PRELID2: variants seen among roughly 807,000 people sequenced by gnomAD.
The protein encoded by PRELID2 is PRELI domain containing 2.
Under a neutral mutation model 28.4 loss-of-function variants are expected in PRELID2, and 25 were observed. The ratio of observed to expected loss-of-function variants is 0.88; its 90% confidence interval spans 0.64 to 1.23. The LOEUF is 1.23. Ranked by LOEUF, PRELID2 falls within the 50% of genes most tolerant of loss-of-function variation. The pLI, the probability that PRELID2 is intolerant of heterozygous loss-of-function variation, is 0.00. For missense variants in PRELID2, 201 were observed against 214.4 expected (o/e 0.94, Z 0.39); for synonymous variants, 76 against 71.6 (o/e 1.06, Z -0.31).
the PRELID2 span, among the ~76,000 whole-genome samples, chr5:145,280,001 C>T: frequency 2.0e-5 from 3 of 152,208 alleles, no homozygotes; most frequent in Non-Finnish European, 2.9e-5. Flanking sequence ...GCTTATCTTA[C>T]ATCAACACAC....
At chr5:145,585,812 G>T (rs1253958292) in intron 1 of PRELID2, among the ~76,000 whole-genome samples, 1 of 152,042 alleles carries the variant, frequency 6.6e-6, no homozygotes, top group East Asian at 1.9e-4. Context: ...AGAATGGGGT[G>T]GGGTGTCAGC....
intron 1 of PRELID2, among the ~76,000 whole-genome samples, chr5:145,566,865 G>GT (rs1752971793): frequency 6.7e-6 from 1 of 150,220 alleles, no homozygotes; most frequent in Non-Finnish European, 1.5e-5. Flanking sequence ...AAAAGAGAGA[G>GT]CAAGAGAAAG....
intron 5 of PRELID2, among the ~76,000 whole-genome samples, chr5:145,769,563 AG>A (rs1757977951): frequency 6.6e-6 from 1 of 152,224 alleles, no homozygotes; most frequent in Non-Finnish European, 1.5e-5. Flanking sequence ...CTTGGAAGAG[AG>A]TAATATTAGA....
chr5:145,450,416 G>A, the PRELID2 span, among the ~76,000 whole-genome samples: 10 of 152,178 alleles, frequency 6.6e-5, no homozygotes, highest in South Asian at 4.2e-4. Flanking sequence ...CTGCTAAGCC[G>A]GCAATTTTCA....
chr5:145,467,982 A>T (rs1305061533), downstream of PRELID2, among the ~76,000 whole-genome samples: 1 of 151,940 alleles, frequency 6.6e-6, no homozygotes. Context: ...TTTGTTATAT[A>T]TGTATACATG....
At chr5:145,466,010 T>C in the PRELID2 span, among the ~76,000 whole-genome samples, 1 of 152,130 alleles carries the variant, frequency 6.6e-6, no homozygotes, top group African/African-American at 2.4e-5. Flanking sequence ...TTTGGAAATT[T>C]TCCCTGAGCT....
chr5:145,477,744 A>C (rs1248750643), intron 1 of PRELID2, among the ~76,000 whole-genome samples: 2 of 152,214 alleles, frequency 1.3e-5, no homozygotes, highest in Non-Finnish European at 2.9e-5. Context: ...GCTTTAAATA[A>C]AATTTTATGT....
the PRELID2 span, among the ~76,000 whole-genome samples, chr5:145,390,070 A>G: frequency 1.3e-5 from 2 of 152,222 alleles, no homozygotes; most frequent in African/African-American, 2.4e-5. Context: ...TGCATAAAAA[A>G]TTATCTGCAA....
the PRELID2 span, among the ~76,000 whole-genome samples, chr5:145,386,954 C>G: frequency 6.6e-6 from 1 of 152,142 alleles, no homozygotes; most frequent in South Asian, 2.1e-4. Context: ...TTACTGAACT[C>G]AACAAGCCAC....
At chr5:145,688,342 C>A (rs1755078235) in intron 1 of PRELID2, among the ~76,000 whole-genome samples, 1 of 152,180 alleles carries the variant, frequency 6.6e-6, no homozygotes, top group Non-Finnish European at 1.5e-5. Context: ...GCGTGACTTG[C>A]ATCAGCAGTA....
chr5:145,710,236 A>G (rs1389049194), intron 1 of PRELID2, among the ~76,000 whole-genome samples: 3 of 152,276 alleles, frequency 2.0e-5, no homozygotes, highest in East Asian at 1.9e-4. Flanking sequence ...TATATATATG[A>G]TAAGTATAAA....
chr5:145,791,499 C>G (rs1230965067), intron 5 of PRELID2, among the ~76,000 whole-genome samples: 1 of 152,156 alleles, frequency 6.6e-6, no homozygotes, highest in Non-Finnish European at 1.5e-5. Flanking sequence ...TATGAGTCCA[C>G]TTATATGACA....
chr5:145,511,700 AT>A (rs763876193), intron 1 of PRELID2, among the ~76,000 whole-genome samples: 3 of 152,232 alleles, frequency 2.0e-5, no homozygotes, highest in African/African-American at 4.8e-5. Context: ...GCTGAAACAT[AT>A]CAAGGGACAA....
rs911516626 is a variant in PRELID2, at chr5:145,486,469, T to C, written n.71-13154A>G. On this transcript the variant is annotated intron_variant and non_coding_transcript_variant, in intron 1 of 2. Coordinates refer to the PRELID2 transcript ENST00000510259. ...TGTAAAATAAAATTCATGCAATGAG[T>C]CCAGTGCTCTTAAACTCTTCCTGCC... Among the ~76,000 whole-genome samples, 6 of 152,084 alleles carry C rather than the reference T, an allele frequency of 3.9e-5. No individual in the cohort carries two copies. In the East Asian group the frequency reaches 9.7e-4, roughly 24 times the overall value.
chr5:145,250,339 T>C, the PRELID2 span, among the ~76,000 whole-genome samples: 2 of 152,114 alleles, frequency 1.3e-5, no homozygotes, highest in Middle Eastern at 3.2e-3. Flanking sequence ...TTAAACATAT[T>C]TGTAAGAAGC....
At position 145,823,122 on chromosome 5, in the gene PRELID2, T is replaced by C; in HGVS notation, c.88A>G (p.Met30Val). 1.3e-6 allele frequency: 2 copies of C among 1,520,032 alleles called. No individual in the cohort carries two copies. Among genetic ancestry groups the C allele is most frequent in the Middle Eastern group, 1.7e-4 (1 of 5,844 alleles). 94.2% of individuals were successfully genotyped at this position (1,520,032 alleles called of 1,614,324 possible). A position where few individuals can be genotyped will look rare whatever the true frequency, so the allele number is the denominator to read the frequency against. The change falls in exon 2 of 7, where the codon ATG becomes GTG. Residue 30 changes from methionine (M) to valine (V), a missense_variant. Coordinates refer to ENST00000683046, the MANE Select transcript of PRELID2 (RefSeq NM_205846.3). ...ASFLRKYPNPMDKNVISVKIM... is the reference protein window; with the variant it reads ...ASFLRKYPNPVDKNVISVKIM... ...TTTACTGAGATGACATTTTTATCCA[T>C]GGGGTTGGGGTACTAAACAAAAATA...
the PRELID2 span, among the ~76,000 whole-genome samples, chr5:145,466,516 C>T: frequency 6.6e-6 from 1 of 151,966 alleles, no homozygotes; most frequent in Non-Finnish European, 1.5e-5. Context: ...TATCTATTTA[C>T]CTACATATCA....
At chr5:145,233,065 T>C in the PRELID2 span, among the ~76,000 whole-genome samples, 1 of 151,966 alleles carries the variant, frequency 6.6e-6, no homozygotes, top group Non-Finnish European at 1.5e-5. Context: ...CTACCATTTG[T>C]TATGTATTTA....
chr5:145,406,551 G>A, the PRELID2 span, among the ~76,000 whole-genome samples: 9 of 152,284 alleles, frequency 5.9e-5, no homozygotes, highest in Non-Finnish European at 1.2e-4. Context: ...CATACATTGT[G>A]AGGAAAATGG....
Sources: gnomAD v4.1 joint callset for allele counts (sites outside exome capture counted in the v4.1 genomes callset) on GRCh38, gnomAD v4.1.1 for gene constraint, MANE v1.5 for transcripts, NCBI Gene and HGNC (gene_info 2026-07-23, HGNC 2026-07-21) for gene names.